RTL4: variants seen among roughly 807,000 people sequenced by gnomAD.
RTL4 encodes retrotransposon Gag-like protein 4.
RTL4 carries 4 observed loss-of-function variants against 5.3 expected under a neutral mutation model. The observed-to-expected ratio is 0.75, with a 90% CI of 0.37 to 1.72. The LOEUF is 1.72. Ranked by LOEUF, RTL4 falls within the 40% of genes most tolerant of loss-of-function variation. The probability of loss-of-function intolerance (pLI) is 0.04; values close to 1 mark genes in which losing one functional copy is unlikely to be tolerated. For missense variants in RTL4, 260 were observed against 227.1 expected (o/e 1.14, Z -0.93); for synonymous variants, 98 against 87.3 (o/e 1.12, Z -0.68).
At chrX:112,456,619 A>G (rs1303814159) in exon 1 of RTL4, 2 of 266,606 alleles carry the variant, frequency 7.5e-6, no homozygotes, top group Non-Finnish European at 6.9e-6. Flanking sequence ...GGCCAAATAA[A>G]TCTCCACTGA....
chrX:112,239,991 T>C, the RTL4 span, among the ~76,000 whole-genome samples: 1 of 112,061 alleles, frequency 8.9e-6, no homozygotes, highest in Admixed American at 9.5e-5. Flanking sequence ...GCATCAACAA[T>C]GAGATGATTC....
the RTL4 span, among the ~76,000 whole-genome samples, chrX:112,230,602 T>C: frequency 8.9e-6 from 1 of 112,417 alleles, no homozygotes; most frequent in African/African-American, 3.2e-5. Flanking sequence ...GTCTTCTGCA[T>C]CGCTCACGCT....
the RTL4 span, among the ~76,000 whole-genome samples, chrX:112,422,893 A>G: frequency 9.0e-6 from 1 of 111,165 alleles, no homozygotes; most frequent in African/African-American, 3.3e-5. Flanking sequence ...CATCTGAATA[A>G]TGGAGATAGT....
chrX:112,419,192 G>A, the RTL4 span, among the ~76,000 whole-genome samples: 1 of 103,002 alleles, frequency 9.7e-6, no homozygotes, highest in South Asian at 4.6e-4. Context: ...AAAGAACTGG[G>A]ACTTGGGAAA....
At chrX:112,236,452 GATATAGATCTATATC>G in the RTL4 span, among the ~76,000 whole-genome samples, 1 of 76,904 alleles carries the variant, frequency 1.3e-5, no homozygotes, top group Non-Finnish European at 2.4e-5. Context: ...TCTATATATA[GATATAGATCTATATC>G]TATATATAGA....
chrX:112,239,280 G>T, the RTL4 span, among the ~76,000 whole-genome samples: 1 of 111,075 alleles, frequency 9.0e-6, no homozygotes, highest in Non-Finnish European at 1.9e-5. Context: ...TAGTGTCAGT[G>T]GGGCCTAGTG....
chrX:112,392,401 A>G, the RTL4 span, among the ~76,000 whole-genome samples: 71 of 111,759 alleles, frequency 6.4e-4, 1 homozygote, highest in Admixed American at 2.4e-3. Flanking sequence ...AACTGGAGGT[A>G]TCAATAGTGA....
chrX:112,250,152 G>T, the RTL4 span, among the ~76,000 whole-genome samples: 15 of 110,048 alleles, frequency 1.4e-4, no homozygotes, highest in Non-Finnish European at 2.3e-4. Flanking sequence ...GGTGGCTGGC[G>T]CCTGTAGTCC....
chrX:112,316,745 C>A, the RTL4 span, among the ~76,000 whole-genome samples: 2 of 111,778 alleles, frequency 1.8e-5, no homozygotes, highest in African/African-American at 6.5e-5. Context: ...CCACTTCTCC[C>A]AACCAGAGAA....
chrX:112,236,073 T>C, the RTL4 span, among the ~76,000 whole-genome samples: 1 of 110,494 alleles, frequency 9.1e-6, no homozygotes, highest in East Asian at 2.9e-4. Flanking sequence ...TATGAAACAA[T>C]TGATACTGCA....
the RTL4 span, among the ~76,000 whole-genome samples, chrX:112,336,515 A>G: frequency 8.9e-6 from 1 of 112,021 alleles, no homozygotes; most frequent in Non-Finnish European, 1.9e-5. Context: ...TATCACTACA[A>G]CCACTACAAC....
the RTL4 span, among the ~76,000 whole-genome samples, chrX:112,351,522 C>G: frequency 4.4e-4 from 47 of 106,364 alleles, 1 homozygote; most frequent in East Asian, 7.2e-3. Context: ...GTAGGTCACT[C>G]AGGACTTACT....
the RTL4 span, among the ~76,000 whole-genome samples, chrX:112,422,848 T>C: frequency 9.0e-6 from 1 of 110,631 alleles, no homozygotes; most frequent in African/African-American, 3.3e-5. Flanking sequence ...TTTGCATCCT[T>C]GGTTATAGTT....
chrX:112,107,321 C>T, the RTL4 span, among the ~76,000 whole-genome samples: 1 of 111,491 alleles, frequency 9.0e-6, no homozygotes, highest in Non-Finnish European at 1.9e-5. Flanking sequence ...TGTCTTTTAA[C>T]CTTTGTACTA....
chrX:112,324,158 A>G, the RTL4 span, among the ~76,000 whole-genome samples: 1 of 112,353 alleles, frequency 8.9e-6, no homozygotes, highest in Non-Finnish European at 1.9e-5. Context: ...TATTCTGGAC[A>G]TGTCATATAA....
the RTL4 span, among the ~76,000 whole-genome samples, chrX:112,332,931 C>G: frequency 4.5e-5 from 5 of 111,216 alleles, no homozygotes; most frequent in African/African-American, 6.5e-5. Context: ...TTGTTAGGTG[C>G]ATATATATTT....
the RTL4 span, among the ~76,000 whole-genome samples, chrX:112,145,186 T>C: frequency 8.9e-6 from 1 of 112,045 alleles, no homozygotes; most frequent in Non-Finnish European, 1.9e-5. Context: ...ACCTCAATTA[T>C]TGTACATTCA....
the RTL4 span, among the ~76,000 whole-genome samples, chrX:112,269,777 A>G: frequency 8.9e-6 from 1 of 111,849 alleles, no homozygotes; most frequent in Admixed American, 9.5e-5. Flanking sequence ...CTCAGTCCTC[A>G]AGACAATTCA....
chrX:112,199,150 G>A, the RTL4 span, among the ~76,000 whole-genome samples: 3 of 110,181 alleles, frequency 2.7e-5, no homozygotes, highest in African/African-American at 9.9e-5. Context: ...TTAGCCAGAC[G>A]TGGTGGCAGA....
Sources: allele counts gnomAD v4.1 joint callset (sites outside exome capture counted in the v4.1 genomes callset), GRCh38; gene constraint gnomAD v4.1.1; transcripts MANE v1.5; gene names NCBI Gene and HGNC (gene_info 2026-07-23, HGNC 2026-07-21).